The following PRKAR2A variants were observed in gnomAD, a reference collection of about 807,000 sequenced individuals.
PRKAR2A encodes the protein protein kinase cAMP-dependent type II regulatory subunit alpha, also known as cAMP-dependent protein kinase type II-alpha regulatory subunit.
PRKAR2A carries 29 observed loss-of-function variants against 51.9 expected under a neutral mutation model. The ratio of observed to expected loss-of-function variants is 0.56; its 90% confidence interval spans 0.42 to 0.76. PRKAR2A has a LOEUF of 0.76. Ranked by LOEUF, PRKAR2A falls within the 30% of genes least tolerant of loss-of-function variation. PRKAR2A has a pLI of 0.00. For synonymous variants in PRKAR2A, 178 were observed against 186.2 expected, an observed-to-expected ratio of 0.96 and a Z score of 0.36; for missense variants, 445 against 512.1, an observed-to-expected ratio of 0.87 and a Z score of 1.26.
chr3:48,757,888 T>G (rs1291855767), intron 8 of PRKAR2A, among the ~76,000 whole-genome samples: 1 of 151,992 alleles, frequency 6.6e-6, no homozygotes, highest in Non-Finnish European at 1.5e-5. Flanking sequence ...AAGCCCCATC[T>G]CTACTAAAAA....
At chr3:48,788,261 C>T (rs1414157404) in intron 4 of PRKAR2A, among the ~76,000 whole-genome samples, 1 of 152,114 alleles carries the variant, frequency 6.6e-6, no homozygotes, top group Admixed American at 6.6e-5. Context: ...CATCTCTTGA[C>T]CTCATGATCC....
intron 1 of PRKAR2A, among the ~76,000 whole-genome samples, chr3:48,808,744 T>G (rs2082722388): frequency 8.4e-6 from 1 of 118,922 alleles, no homozygotes; most frequent in Non-Finnish European, 1.7e-5. Context: ...CATGAACTCC[T>G]GACCTCAAGT....
intron 2 of PRKAR2A, among the ~76,000 whole-genome samples, chr3:48,799,212 TTG>T (rs2082546317): frequency 6.6e-6 from 1 of 152,184 alleles, no homozygotes; most frequent in Non-Finnish European, 1.5e-5. Context: ...AAACATTATA[TTG>T]TGTGTCATGA....
At chr3:48,792,455 CTTTTTTTTTTTTTT>C (rs983032500) in intron 3 of PRKAR2A, among the ~76,000 whole-genome samples, 3 of 66,826 alleles carry the variant, frequency 4.5e-5, no homozygotes, top group African/African-American at 1.1e-4. Context: ...AAGGTTTAAT[CTTTTTTTTTTTTTT>C]TTTTTTTTTT....
chr3:48,769,186 C>G (rs1209029222), intron 6 of PRKAR2A, among the ~76,000 whole-genome samples: 1 of 139,816 alleles, frequency 7.2e-6, no homozygotes. Flanking sequence ...GAGACAGAGT[C>G]TCGCTCTGCC....
At chr3:48,781,918 T>A (rs1327107322) in intron 5 of PRKAR2A, among the ~76,000 whole-genome samples, 5 of 152,192 alleles carry the variant, frequency 3.3e-5, no homozygotes, top group African/African-American at 4.8e-5. Context: ...AGTGCTAGGA[T>A]TACAGGCATG....
At chr3:48,794,913 T>A (rs2082465328) in intron 2 of PRKAR2A, among the ~76,000 whole-genome samples, 1 of 152,202 alleles carries the variant, frequency 6.6e-6, no homozygotes, top group African/African-American at 2.4e-5. Context: ...ATGAAATTAT[T>A]TTCTAGTGTA....
chr3:48,767,898 T>G lies in PRKAR2A; in HGVS notation c.697-2549A>C, dbSNP rs1182947332. ...AAGATCACACCACTGCACTCTAGCC[T>G]GGGAGACAGAGCGAGACTCCATCTC... On this transcript the variant is annotated intron_variant, in intron 6 of 10. Coordinates refer to ENST00000265563, the MANE Select transcript of PRKAR2A (RefSeq NM_004157.4). Among the ~76,000 whole-genome samples, 3 of 149,944 alleles carry G rather than the reference T, an allele frequency of 2.0e-5. 1 individual carries two copies. The highest frequency in any genetic ancestry group is 7.4e-5 in the African/African-American group (3 of 40,674).
chr3:48,760,766 C>T (rs1233532304), intron 8 of PRKAR2A, among the ~76,000 whole-genome samples: 1 of 136,476 alleles, frequency 7.3e-6, no homozygotes, highest in African/African-American at 2.8e-5. Context: ...ACACAGGAGG[C>T]GGGGGTGGTG....
At chr3:48,791,284 T>C (rs533813388) in intron 3 of PRKAR2A, among the ~76,000 whole-genome samples, 28 of 78,336 alleles carry the variant, frequency 3.6e-4, no homozygotes, top group African/African-American at 1.3e-3. Flanking sequence ...AGATTCCATC[T>C]TAAAAAAAAA....
At position 48,834,508 on chromosome 3, in the gene PRKAR2A, A is replaced by G. The variant is rs1318788856; in HGVS notation, c.262+12827T>C. ...CCAACACTTTGGAAGGCTGAGGCAG[A>G]TGGATCACTTGAGCCCAGGAGTTCA... On this transcript the variant is annotated intron_variant, in intron 1 of 10. Coordinates refer to ENST00000265563, the MANE Select transcript of PRKAR2A (RefSeq NM_004157.4). Among the ~76,000 whole-genome samples the G allele has an allele frequency of 3.3e-5, 5 of 152,126 alleles. No homozygotes were observed. The East Asian group carries it at 9.6e-4, about 29-fold the overall frequency.
chr3:48,829,390 G>A (rs1224912408), intron 1 of PRKAR2A, among the ~76,000 whole-genome samples: 5 of 151,000 alleles, frequency 3.3e-5, no homozygotes, highest in African/African-American at 1.2e-4. Flanking sequence ...ATGGTGGCAC[G>A]AACCTGTAGT....
At chr3:48,779,658 T>G (rs900077858) in intron 5 of PRKAR2A, among the ~76,000 whole-genome samples, 1 of 151,294 alleles carries the variant, frequency 6.6e-6, no homozygotes, top group Non-Finnish European at 1.5e-5. Context: ...TGGGTGCCTG[T>G]AATCCCAGCT....
At chr3:48,759,409 G>A (rs1292784873) in intron 8 of PRKAR2A, among the ~76,000 whole-genome samples, 5 of 147,388 alleles carry the variant, frequency 3.4e-5, no homozygotes, top group Non-Finnish European at 6.0e-5. Context: ...TTTTTGAGAC[G>A]GAGTTTCACT....
intron 1 of PRKAR2A, among the ~76,000 whole-genome samples, chr3:48,837,392 C>T (rs2083303086): frequency 6.6e-6 from 1 of 152,178 alleles, no homozygotes. Flanking sequence ...ATCAAAACCA[C>T]AATGAAGTAC....
rs551633000 is a variant in PRKAR2A, at chr3:48,751,276, C to T, written c.*309G>A. On this transcript the variant is annotated 3_prime_UTR_variant, in exon 11 of 11. Transcript: ENST00000265563. ...GAAAGGAGCATGTTTATACTTTGGACTTTGTATCAGGCACTTAAATTGTTG... is the reference window on the plus strand; with the variant it reads ...GAAAGGAGCATGTTTATACTTTGGATTTTGTATCAGGCACTTAAATTGTTG... The T allele has an allele frequency of 3.4e-5, 18 of 526,990 alleles. No homozygotes were observed. Among genetic ancestry groups the T allele is most frequent in the African/African-American group, 7.5e-5 (4 of 53,000 alleles). 32.6% of individuals were successfully genotyped at this position (526,990 alleles called of 1,614,324 possible). A position where few individuals can be genotyped will look rare whatever the true frequency, so the allele number is the denominator to read the frequency against.
chr3:48,802,842 G>A (rs1575902793), intron 2 of PRKAR2A, among the ~76,000 whole-genome samples: 1 of 152,202 alleles, frequency 6.6e-6, no homozygotes, highest in Non-Finnish European at 1.5e-5. Flanking sequence ...TAGAGCCAAC[G>A]ATATGTTTCT....
At chr3:48,822,526 G>C (rs548487673) in intron 1 of PRKAR2A, among the ~76,000 whole-genome samples, 55 of 152,140 alleles carry the variant, frequency 3.6e-4, no homozygotes, top group African/African-American at 1.3e-3. Flanking sequence ...TCTAATAAAA[G>C]AAAAAGCAAA....
chr3:48,832,866 AC>A (rs2083213906), intron 1 of PRKAR2A, among the ~76,000 whole-genome samples: 1 of 152,128 alleles, frequency 6.6e-6, no homozygotes, highest in Non-Finnish European at 1.5e-5. Flanking sequence ...CCATTCTTTG[AC>A]AGAGCTAAAA....
Sources: allele counts gnomAD v4.1 joint callset (sites outside exome capture counted in the v4.1 genomes callset), GRCh38; gene constraint gnomAD v4.1.1; transcripts MANE v1.5; gene names NCBI Gene and HGNC (gene_info 2026-07-23, HGNC 2026-07-21).